PLAGL1: variants seen among roughly 807,000 people sequenced by gnomAD.
The protein encoded by PLAGL1 is zinc finger protein PLAGL1.
Under a neutral mutation model 4.6 loss-of-function variants are expected in PLAGL1, and 1 was observed. The ratio of observed to expected loss-of-function variants is 0.22; its 90% CI spans 0.08 to 1.03. The LOEUF (loss-of-function observed/expected upper bound fraction) is 1.03, where lower values mean the gene tolerates loss of function less well. Among genes scored for constraint, PLAGL1 ranks in the 50% least tolerant of loss-of-function variants. The pLI is 0.58. For missense variants in PLAGL1, 464 were observed against 570.4 expected, an observed-to-expected ratio of 0.81 and a Z score of 1.90; for synonymous variants, 240 against 237.8, an observed-to-expected ratio of 1.01 and a Z score of -0.08.
chr6:144,061,498 T>C lies in PLAGL1; in HGVS notation c.-151+2970A>G, dbSNP rs2128732480. Among the ~76,000 whole-genome samples, 1 of 152,300 alleles carries C rather than the reference T, an allele frequency of 6.6e-6. No homozygotes were observed. Among genetic ancestry groups the C allele is most frequent in the African/African-American group, 2.4e-5 (1 of 41,562 alleles). ...CATAAGTCTCCTGTAGATCATATTATTATATCCCCATTGTACAATGAGCAG... is the reference window on the plus strand; with the variant it reads ...CATAAGTCTCCTGTAGATCATATTACTATATCCCCATTGTACAATGAGCAG... On this transcript the variant is annotated intron_variant, in intron 1 of 3. Transcript: ENST00000437412. The surrounding 1 kb of genome is among the most constrained non-coding windows in gnomAD (Gnocchi z 4.4).
chr6:143,941,900 T>C lies in PLAGL1; in HGVS notation c.916A>G (p.Thr306Ala), dbSNP rs752677729. The stretch of plus-strand genomic sequence containing the variant: ...GCAAGTGGGGAGTATGAGGTAGAAG[T>C]GGTGTTGTACTTGTGATTGGGAAGG... ...PPLPNHKYNT[T>A]STSYSPLASL... The change falls in exon 8 of 8, where the codon ACT becomes GCT. Residue 306 changes from threonine to alanine, a missense_variant. Physicochemically the swap from Thr to Ala is moderately conservative, Grantham distance 58 (BLOSUM62 0). This residue lies in a region of PLAGL1 where 248 missense variants were observed against 250.1 expected (regional missense o/e 0.99). Coordinates refer to ENST00000674357, the MANE Select transcript of PLAGL1 (RefSeq NM_001317162.2). The surrounding 1 kb of genome is among the most constrained non-coding windows in gnomAD (Gnocchi z 6.0). The C allele has an allele frequency of 6.2e-7, 1 of 1,613,246 alleles. No homozygotes were observed. Among genetic ancestry groups the C allele is most frequent in the African/African-American group, 1.3e-5 (1 of 74,770 alleles).
chr6:144,038,114 G>A (rs1451609633), intron 1 of PLAGL1, among the ~76,000 whole-genome samples: 4 of 152,210 alleles, frequency 2.6e-5, no homozygotes. Flanking sequence ...AATAATGGCT[G>A]AAAATGCTAC....
At position 144,022,139 on chromosome 6, in the gene PLAGL1, C is replaced by A. The variant is rs1796019157; in HGVS notation, c.-151+42329G>T. Among the ~76,000 whole-genome samples, 2 of 151,812 alleles carry A rather than the reference C, an allele frequency of 1.3e-5. No individual in the cohort carries two copies. Among genetic ancestry groups the A allele is most frequent in the Non-Finnish European group, 2.9e-5 (2 of 68,018 alleles). The stretch of plus-strand genomic sequence containing the variant: ...CAGATTGGTAGAATTATTTGCAAAT[C>A]ACATATCTGAGAAATAACTTATATT... On this transcript the variant is annotated intron_variant, in intron 1 of 3. Transcript: ENST00000437412. The surrounding 1 kb of genome is among the most constrained non-coding windows in gnomAD (Gnocchi z 4.2).
Position 143,945,885 on chromosome 6 carries a change from G to A in PLAGL1, c.152+2100C>T, listed in dbSNP as rs2284713. ...TGCTGGGGGCTGAGGCAGGGAAGGC[G>A]GTTCTTGCATAAAGTACACTGACAG... On this transcript the variant is annotated intron_variant, in intron 7 of 7. Coordinates refer to ENST00000674357, the MANE Select transcript of PLAGL1 (RefSeq NM_001317162.2). The surrounding 1 kb of genome is among the most constrained non-coding windows in gnomAD (Gnocchi z 4.2). Among the ~76,000 whole-genome samples the A allele has an allele frequency of 0.36, 54,159 of 152,038 alleles. 10,545 individuals carry two copies. The highest frequency in any genetic ancestry group is 0.44 in the Non-Finnish European group (29,949 of 67,942).
intron 2 of PLAGL1, among the ~76,000 whole-genome samples, chr6:143,976,567 G>A (rs1317034859): frequency 6.6e-6 from 1 of 151,924 alleles, no homozygotes; most frequent in African/African-American, 2.4e-5. Context: ...CACTTGAAAT[G>A]TGCAATTTAC....
rs67928472 is a variant in PLAGL1 at position 144,027,234 on chromosome 6, C to CGAAAGAAAGAAAGAAAGAAA, written c.-151+37214_-151+37233dup. On this transcript the variant is annotated intron_variant, in intron 1 of 3. Transcript: ENST00000437412. The surrounding 1 kb of genome is among the most constrained non-coding windows in gnomAD (Gnocchi z 5.8). ...GAAAGACCCCAACTCAAAGAACGAA[C>CGAAAGAAAGAAAGAAAGAAA]GAAAGAAAGAAAGAAAGAAAGAAAG... 5.4e-4 allele frequency among the ~76,000 whole-genome samples: 60 copies of CGAAAGAAAGAAAGAAAGAAA among 111,600 alleles called. No individual in the cohort carries two copies. The highest frequency in any genetic ancestry group is 7.1e-4 in the African/African-American group (19 of 26,598). 73.2% of individuals were successfully genotyped at this position (111,600 alleles called of 152,430 possible).
rs1026723838 is a variant in PLAGL1, at chr6:143,947,558, T to C, written c.152+427A>G. Among the ~76,000 whole-genome samples the C allele has an allele frequency of 6.6e-6, 1 of 152,226 alleles. No individual in the cohort carries two copies. Among genetic ancestry groups the C allele is most frequent in the Admixed American group, 6.5e-5 (1 of 15,288 alleles). ...ATGGGTGCTTTAAGGCCAAGACTTA[T>C]GGCTTTCCCAGAACCTCCTCTCTGC... is the stretch of plus-strand genomic sequence containing the variant. On this transcript the variant is annotated intron_variant, in intron 7 of 7. Transcript: ENST00000674357. The surrounding 1 kb of genome is among the most constrained non-coding windows in gnomAD (Gnocchi z 4.3).
rs1212622393 is a variant in PLAGL1, at chr6:144,056,421, T to A, written c.-151+8047A>T. Among the ~76,000 whole-genome samples, 1 of 152,186 alleles carries A rather than the reference T, an allele frequency of 6.6e-6. No individual in the cohort carries two copies. Among genetic ancestry groups the A allele is most frequent in the East Asian group, 1.9e-4 (1 of 5,200 alleles). On this transcript the variant is annotated intron_variant, in intron 1 of 3. Coordinates refer to the PLAGL1 transcript ENST00000437412. This position sits in a 1 kb window ranked among gnomAD's most constrained non-coding sequence, Gnocchi z 4.7. ...TTGGACAAATTTATAACAGCATATA[T>A]CTACTAATATAGTGCCATACAGAGT...
chr6:143,976,730 G>C (rs191529154), intron 2 of PLAGL1, among the ~76,000 whole-genome samples: 1 of 152,056 alleles, frequency 6.6e-6, no homozygotes, highest in Non-Finnish European at 1.5e-5. Flanking sequence ...CCTAAGAGCC[G>C]GGTTCCTTTT....
At position 144,008,155 on chromosome 6, in the gene PLAGL1, A is replaced by T. The variant is rs2128681994; in HGVS notation, c.-649T>A. The T allele has an allele frequency of 6.6e-6, 1 of 151,676 alleles. No homozygotes were observed. Among genetic ancestry groups the T allele is most frequent in the South Asian group, 2.1e-4 (1 of 4,802 alleles). The allele number at this position is 151,676 out of a possible 1,614,324, so 9.4% of individuals were successfully genotyped here. A position where few individuals can be genotyped will look rare whatever the true frequency, so the allele number is the denominator to read the frequency against. Reference sequence around the variant, plus strand: ...CGGGCGTGCCACCTCCGCGGCCATGACGGCGACCCGGGGAAGCGCCCCGCG... The same window carrying T: ...CGGGCGTGCCACCTCCGCGGCCATGTCGGCGACCCGGGGAAGCGCCCCGCG... On this transcript the variant is annotated 5_prime_UTR_variant, in exon 1 of 8. Transcript: ENST00000674357. The surrounding 1 kb of genome is among the most constrained non-coding windows in gnomAD (Gnocchi z 6.9).
Position 143,959,086 on chromosome 6 carries a change from C to A in PLAGL1, c.-325+1383G>T, listed in dbSNP as rs1260496265. 6.6e-6 allele frequency among the ~76,000 whole-genome samples: 1 copy of A among 152,316 alleles called. No homozygotes were observed. Among genetic ancestry groups the A allele is most frequent in the East Asian group, 1.9e-4 (1 of 5,184 alleles). On this transcript the variant is annotated intron_variant, in intron 6 of 7. Coordinates refer to ENST00000674357, the MANE Select transcript of PLAGL1 (RefSeq NM_001317162.2). The surrounding 1 kb of genome is among the most constrained non-coding windows in gnomAD (Gnocchi z 5.3). ...CAGGCAGCTTTCATGTGCTGCTCTG[C>A]GCTCCCCGTCGCCCCGGAGGCCGGC...
chr6:144,022,880 A>T lies in PLAGL1; in HGVS notation c.-151+41588T>A, dbSNP rs1796074214. ...ACTTCCCATACTACCCAGCAATCACACTCCTTGGTATTTACCCAATTGATT... is the reference window on the plus strand; with the variant it reads ...ACTTCCCATACTACCCAGCAATCACTCTCCTTGGTATTTACCCAATTGATT... On this transcript the variant is annotated intron_variant, in intron 1 of 3. Coordinates refer to the PLAGL1 transcript ENST00000437412. This position sits in a 1 kb window ranked among gnomAD's most constrained non-coding sequence, Gnocchi z 4.2. 6.6e-6 allele frequency among the ~76,000 whole-genome samples: 1 copy of T among 152,100 alleles called. No individual in the cohort carries two copies. Among genetic ancestry groups the T allele is most frequent in the African/African-American group, 2.4e-5 (1 of 41,396 alleles).
upstream of PLAGL1, among the ~76,000 whole-genome samples, chr6:144,010,952 A>C (rs1477923530): frequency 6.6e-6 from 1 of 152,238 alleles, no homozygotes; most frequent in Non-Finnish European, 1.5e-5. This position sits in a 1 kb window ranked among gnomAD's most constrained non-coding sequence, Gnocchi z 4.1. Flanking sequence ...TACAAAAATT[A>C]ACTCAAGATG....
rs887603999 is a variant in PLAGL1 at position 144,005,231 on chromosome 6, AACTAG to A, written c.-584+2854_-584+2858del. ...TAACTCACAAAACCTTCCACATTGG[AACTAG>A]ACTACTTTCTACAAATCTCTTAGGG... On this transcript the variant is annotated intron_variant, in intron 1 of 7. Coordinates refer to ENST00000674357, the MANE Select transcript of PLAGL1 (RefSeq NM_001317162.2). This position sits in a 1 kb window ranked among gnomAD's most constrained non-coding sequence, Gnocchi z 4.6. 2.6e-4 allele frequency: 40 copies of A among 152,294 alleles called. No individual in the cohort carries two copies. The highest frequency in any genetic ancestry group is 9.1e-4 in the African/African-American group (38 of 41,570). The allele number at this position is 152,294 out of a possible 1,614,324, so 9.4% of individuals were successfully genotyped here. A position where few individuals can be genotyped will look rare whatever the true frequency, so the allele number is the denominator to read the frequency against.
chr6:143,969,264 C>T (rs1201132079), intron 2 of PLAGL1, among the ~76,000 whole-genome samples: 1 of 152,062 alleles, frequency 6.6e-6, no homozygotes, highest in African/African-American at 2.4e-5. Flanking sequence ...TTGGTGCCAC[C>T]TGGAGCCACT....
rs1177871171 is a variant in PLAGL1, at chr6:144,016,017, A to AAAC, written c.-150-47042_-150-47040dup. 1.3e-5 allele frequency among the ~76,000 whole-genome samples: 2 copies of AAAC among 152,316 alleles called. No homozygotes were observed. The highest frequency in any genetic ancestry group is 3.9e-4 in the East Asian group (2 of 5,190). On this transcript the variant is annotated intron_variant, in intron 1 of 3. Transcript: ENST00000437412. The surrounding 1 kb of genome is among the most constrained non-coding windows in gnomAD (Gnocchi z 4.2). ...TGATACTGTCAACACAGATGAATCA[A>AAAC]AACAACAACAACACTGTGCGGAGTC...
chr6:143,981,960 T>G (rs1161958082), intron 2 of PLAGL1, among the ~76,000 whole-genome samples: 1 of 152,196 alleles, frequency 6.6e-6, no homozygotes, highest in Non-Finnish European at 1.5e-5. Flanking sequence ...TCTTTTTCAT[T>G]AAACCAGCAT....
Position 143,950,134 on chromosome 6 carries a change from C to T in PLAGL1, c.-324-1674G>A, listed in dbSNP as rs775289060. ...CCACTTGGAAACGTGAAAGCTGACT[C>T]GGGCACTTTTGGTCAGCGCTAATCC... is the stretch of plus-strand genomic sequence containing the variant. On this transcript the variant is annotated intron_variant, in intron 6 of 7. Transcript: ENST00000674357. This position sits in a 1 kb window ranked among gnomAD's most constrained non-coding sequence, Gnocchi z 6.3. Among the ~76,000 whole-genome samples the T allele has an allele frequency of 7.2e-5, 11 of 152,128 alleles. No homozygotes were observed. Among genetic ancestry groups the T allele is most frequent in the Non-Finnish European group, 1.3e-4 (9 of 68,018 alleles).
rs1788403026 is a variant in PLAGL1, at chr6:143,983,563, A to C, written c.-544+1572T>G. 6.6e-6 allele frequency among the ~76,000 whole-genome samples: 1 copy of C among 152,182 alleles called. No homozygotes were observed. The highest frequency in any genetic ancestry group is 2.4e-5 in the African/African-American group (1 of 41,458). Reference sequence around the variant, plus strand: ...TCTTTCTCCAGCTACGTTCAGCTGCACTGCTGCAGGCATGGAATCAGCAAA... The same window carrying C: ...TCTTTCTCCAGCTACGTTCAGCTGCCCTGCTGCAGGCATGGAATCAGCAAA... On this transcript the variant is annotated intron_variant, in intron 2 of 7. Transcript: ENST00000674357. The surrounding 1 kb of genome is among the most constrained non-coding windows in gnomAD (Gnocchi z 6.6).
Sources: allele counts gnomAD v4.1 joint callset (sites outside exome capture counted in the v4.1 genomes callset), GRCh38; gene constraint gnomAD v4.1.1; regional missense constraint gnomAD v4.1.1; non-coding constraint Gnocchi (gnomAD v3.1); transcripts MANE v1.5; gene names NCBI Gene and HGNC (gene_info 2026-07-23, HGNC 2026-07-21).